Variants in DYRK1A observed in about 807,000 individuals in gnomAD.
The protein encoded by DYRK1A is dual specificity tyrosine phosphorylation regulated kinase 1A.
A neutral mutation model predicts 79.7 loss-of-function variants in DYRK1A; 9 were observed. The ratio of observed to expected loss-of-function variants is 0.11; its 90% CI spans 0.07 to 0.20. The LOEUF is 0.20. Among genes scored for constraint, DYRK1A ranks in the 10% least tolerant of loss-of-function variants. The pLI, the probability that DYRK1A is intolerant of heterozygous loss-of-function variation, is 1.00. For missense variants in DYRK1A, 622 were observed against 956.0 expected, an observed-to-expected ratio of 0.65 and a Z score of 4.61; for synonymous variants, 349 against 329.7, an observed-to-expected ratio of 1.06 and a Z score of -0.63.
intron 2 of DYRK1A, among the ~76,000 whole-genome samples, chr21:37,451,566 G>A (rs1014760278): frequency 4.7e-5 from 7 of 149,964 alleles, no homozygotes; most frequent in Non-Finnish European, 7.4e-5. Flanking sequence ...AGGCTCTACC[G>A]TCTAGCGTGG....
intron 1 of DYRK1A, among the ~76,000 whole-genome samples, chr21:37,368,751 A>G (rs769826341): frequency 6.6e-6 from 1 of 152,232 alleles, no homozygotes; most frequent in Admixed American, 6.5e-5. Context: ...TCCAGGAGCC[A>G]GAAGGCTGTA....
chr21:37,443,635 A>C (rs1263426839), intron 2 of DYRK1A, among the ~76,000 whole-genome samples: 1 of 152,186 alleles, frequency 6.6e-6, no homozygotes, highest in African/African-American at 2.4e-5. Context: ...AAATGGGAGC[A>C]GTGTAGTCCT....
Position 37,519,627 on chromosome 21 carries a change from CTT to C in DYRK1A, c.*7099_*7100del, listed in dbSNP as rs1464737740. The C allele has an allele frequency of 4.6e-5, 7 of 151,752 alleles. No homozygotes were observed. The highest frequency in any genetic ancestry group is 1.0e-4 in the Non-Finnish European group (7 of 68,006). 9.4% of individuals were successfully genotyped at this position (151,752 alleles called of 1,614,324 possible). Reference sequence around the variant, plus strand: ...CTAAACAGCATTGCTTTCCAGCTGACTTTTATTTTTGGAGTCTGGGACTAGGT... The same window carrying C: ...CTAAACAGCATTGCTTTCCAGCTGACTTATTTTTGGAGTCTGGGACTAGGT... On this transcript the variant is annotated 3_prime_UTR_variant, in exon 12 of 12. Coordinates refer to ENST00000647188, the MANE Select transcript of DYRK1A (RefSeq NM_001347721.2).
At chr21:37,425,396 G>T (rs1361302468) in intron 2 of DYRK1A, among the ~76,000 whole-genome samples, 1 of 151,978 alleles carries the variant, frequency 6.6e-6, no homozygotes, top group Admixed American at 6.6e-5. Flanking sequence ...ATGTTTCATA[G>T]TTTTATTTAT....
At chr21:37,377,863 A>G (rs1254509120) in intron 1 of DYRK1A, among the ~76,000 whole-genome samples, 2 of 152,206 alleles carry the variant, frequency 1.3e-5, no homozygotes, top group Admixed American at 6.5e-5. Flanking sequence ...CTTTTAAACA[A>G]TGCTGGTGCG....
At chr21:37,424,657 CTTTAGATATTTATTTTACAG>C (rs1306780711) in intron 2 of DYRK1A, among the ~76,000 whole-genome samples, 1 of 152,098 alleles carries the variant, frequency 6.6e-6, no homozygotes, top group African/African-American at 2.4e-5. Flanking sequence ...AAGATAATTA[CTTTAGATATTTATTTTACAG>C]TATGCTTATT....
intron 2 of DYRK1A, among the ~76,000 whole-genome samples, chr21:37,434,249 C>G (rs757613505): frequency 2.0e-5 from 3 of 152,110 alleles, no homozygotes; most frequent in Non-Finnish European, 2.9e-5. Flanking sequence ...TATAGACACT[C>G]TATGGAAAAA....
rs536731325 is a variant in DYRK1A at position 37,402,303 on chromosome 21, CT to C, written c.-76-17989del. On this transcript the variant is annotated intron_variant, in intron 1 of 11. Transcript: ENST00000647188. The stretch of plus-strand genomic sequence containing the variant: ...GCTCTGCTGGCAAGGACTTCTCTCA[CT>C]TTTTTTCCCTTCTTACAAATTTTAA... 3.3e-5 allele frequency among the ~76,000 whole-genome samples: 5 copies of C among 152,266 alleles called. No homozygotes were observed. The South Asian group carries it at 6.2e-4, about 19-fold the overall frequency.
chr21:37,505,266 C>A lies in DYRK1A; in HGVS notation c.1213-17C>A. On this transcript the variant is annotated splice_polypyrimidine_tract_variant and intron_variant, in intron 9 of 11. Coordinates refer to ENST00000647188, the MANE Select transcript of DYRK1A (RefSeq NM_001347721.2). The stretch of plus-strand genomic sequence containing the variant: ...TCCACCAAATTTAGAGAAAGCCTTT[C>A]ATCTTCTCTCTTACAGGAGTACAAA... 1 of 1,569,082 alleles carries A rather than the reference C, an allele frequency of 6.4e-7. No individual in the cohort carries two copies.
At chr21:37,378,080 A>G (rs1251919908) in intron 1 of DYRK1A, among the ~76,000 whole-genome samples, 1 of 152,166 alleles carries the variant, frequency 6.6e-6, no homozygotes, top group Non-Finnish European at 1.5e-5. Flanking sequence ...TTGTTACCTT[A>G]GATTTTTGTG....
chr21:37,409,255 G>C (rs914501615), intron 1 of DYRK1A, among the ~76,000 whole-genome samples: 3 of 152,252 alleles, frequency 2.0e-5, no homozygotes, highest in Admixed American at 2.0e-4. Flanking sequence ...CACTTACTGT[G>C]CACTGTTTTA....
At chr21:37,478,435 T>G in intron 4 of DYRK1A, 135 bp downstream of exon 4, 2 of 629,082 alleles carry the variant, frequency 3.2e-6, no homozygotes, top group Admixed American at 3.5e-5. Flanking sequence ...GACTAATGAT[T>G]TAGAAATAAT....
Position 37,522,536 on chromosome 21 carries a change from CTAATT to C in DYRK1A, c.*10010_*10014del, listed in dbSNP as rs2053941839. On this transcript the variant is annotated 3_prime_UTR_variant, in exon 12 of 12. Coordinates refer to ENST00000647188, the MANE Select transcript of DYRK1A (RefSeq NM_001347721.2). ...ACTAGAAGCAGGGTTAGGGGCGAGA[CTAATT>C]TAATATCAATTAATGTAGACACTAG... 6.6e-6 allele frequency: 1 copy of C among 152,148 alleles called. No homozygotes were observed. The highest frequency in any genetic ancestry group is 1.5e-5 in the Non-Finnish European group (1 of 68,040). 9.4% of individuals were successfully genotyped at this position (152,148 alleles called of 1,614,324 possible).
chr21:37,447,742 C>A (rs1255643839), intron 2 of DYRK1A, among the ~76,000 whole-genome samples: 1 of 152,104 alleles, frequency 6.6e-6, no homozygotes, highest in Admixed American at 6.5e-5. Flanking sequence ...ATGGACATGG[C>A]AGGTGGGTGG....
At chr21:37,367,799 TC>T (rs964920735) in intron 1 of DYRK1A, among the ~76,000 whole-genome samples, 171 bp downstream of exon 1, 8 of 148,480 alleles carry the variant, frequency 5.4e-5, no homozygotes, top group African/African-American at 2.0e-4. Context: ...TCAGGCCGGG[TC>T]CCGGAGGAGC....
chr21:37,495,152 T>TTGTG (rs56226706), intron 8 of DYRK1A, among the ~76,000 whole-genome samples: 2,500 of 137,678 alleles, frequency 0.018, 33 homozygotes, highest in Middle Eastern at 0.038. Flanking sequence ...CTCTGGGATT[T>TTGTG]TGTGTGTGTG....
intron 2 of DYRK1A, among the ~76,000 whole-genome samples, chr21:37,471,925 C>T (rs1366002193): frequency 2.6e-5 from 4 of 152,002 alleles, no homozygotes; most frequent in African/African-American, 9.7e-5. Flanking sequence ...TTTTTTTATC[C>T]TTTTCTTAAA....
At chr21:37,464,937 C>G (rs1228627155) in intron 2 of DYRK1A, among the ~76,000 whole-genome samples, 3 of 152,110 alleles carry the variant, frequency 2.0e-5, no homozygotes, top group Non-Finnish European at 4.4e-5. Context: ...TTAGTTTTGT[C>G]CCCTTGGAAT....
At chr21:37,434,004 T>G (rs575877256) in intron 2 of DYRK1A, among the ~76,000 whole-genome samples, 4 of 152,308 alleles carry the variant, frequency 2.6e-5, no homozygotes, top group Admixed American at 1.3e-4. Flanking sequence ...AGTCTTGGTT[T>G]CATTGGACTT....
Sources: allele counts gnomAD v4.1 joint callset (sites outside exome capture counted in the v4.1 genomes callset), GRCh38; gene constraint gnomAD v4.1.1; transcripts MANE v1.5; gene names NCBI Gene and HGNC (gene_info 2026-07-23, HGNC 2026-07-21).